Variants in COL24A1 observed in about 807,000 individuals in gnomAD.
COL24A1 encodes the protein collagen type XXIV alpha 1 chain.
COL24A1 carries 224 observed loss-of-function variants against 253.9 expected under a neutral mutation model. The observed-to-expected ratio is 0.88, with a 90% CI of 0.79 to 0.99. COL24A1 has a LOEUF of 0.99. COL24A1 is among the 50% of genes least tolerant of loss of function. The pLI is 0.00. For missense variants in COL24A1, 2,131 were observed against 2,068.5 expected (o/e 1.03, Z -0.59); for synonymous variants, 685 against 673.7 (o/e 1.02, Z -0.26).
chr1:86,117,049 C>T (rs985042615), intron 3 of COL24A1, among the ~76,000 whole-genome samples: 1 of 151,998 alleles, frequency 6.6e-6, no homozygotes, highest in South Asian at 2.1e-4. Context: ...AAAATAAGAG[C>T]CAGTAGGAGA....
intron 6 of COL24A1, among the ~76,000 whole-genome samples, chr1:86,091,166 T>C (rs1482233988): frequency 6.6e-6 from 1 of 152,084 alleles, no homozygotes; most frequent in Non-Finnish European, 1.5e-5. Flanking sequence ...TTCCAAGTTA[T>C]TTAGACTCAG....
chr1:86,063,978 C>A (rs1320860494), intron 7 of COL24A1, among the ~76,000 whole-genome samples: 2 of 151,492 alleles, frequency 1.3e-5, no homozygotes, highest in Admixed American at 1.3e-4. Context: ...ATAATTTAAT[C>A]TTGCATGTTA....
At chr1:86,076,909 A>G (rs1167822891) in intron 7 of COL24A1, among the ~76,000 whole-genome samples, 1 of 152,218 alleles carries the variant, frequency 6.6e-6, no homozygotes, top group African/African-American at 2.4e-5. Flanking sequence ...AGCCTAGGCA[A>G]TACCATTCTG....
At chr1:85,747,796 T>A (rs1410149207) in intron 55 of COL24A1, among the ~76,000 whole-genome samples, 1 of 152,214 alleles carries the variant, frequency 6.6e-6, no homozygotes, top group Non-Finnish European at 1.5e-5. Flanking sequence ...GGTAGTTTCT[T>A]AAAGGTTAGT....
chr1:86,021,584 TG>T (rs1697544144), intron 18 of COL24A1, among the ~76,000 whole-genome samples: 2 of 152,164 alleles, frequency 1.3e-5, no homozygotes, highest in Admixed American at 1.3e-4. Flanking sequence ...TTAATTTAGA[TG>T]TATAGTCCTT....
At chr1:85,796,855 G>A (rs1033170481) in intron 47 of COL24A1, among the ~76,000 whole-genome samples, 6 of 151,780 alleles carry the variant, frequency 4.0e-5, no homozygotes, top group South Asian at 2.1e-4. Flanking sequence ...AATACCTATC[G>A]CATCTAGATT....
chr1:85,767,504 TA>T (rs1363722485), intron 53 of COL24A1, among the ~76,000 whole-genome samples: 1 of 152,156 alleles, frequency 6.6e-6, no homozygotes, highest in Non-Finnish European at 1.5e-5. Context: ...CTCCAGGAAT[TA>T]AAAGATTAAC....
Position 86,059,001 on chromosome 1 carries a change from C to A in COL24A1, c.1806+120G>T, listed in dbSNP as rs914671511. 27 of 597,048 alleles carry A rather than the reference C, an allele frequency of 4.5e-5. No individual in the cohort carries two copies. The African/African-American group carries it at 4.8e-4, about 11-fold the overall frequency. 37.0% of individuals were successfully genotyped at this position (597,048 alleles called of 1,614,324 possible). ...TACAACTTTGATTTTGAAATTATTT[C>A]TCTATGAGTTATTCATTATTTAATA... On this transcript the variant is annotated intron_variant, in intron 9 of 59. Coordinates refer to ENST00000370571, the MANE Select transcript of COL24A1 (RefSeq NM_152890.7).
At chr1:86,032,570 AT>A (rs1559069480) in intron 13 of COL24A1, among the ~76,000 whole-genome samples, 2 of 152,110 alleles carry the variant, frequency 1.3e-5, no homozygotes, top group Admixed American at 1.3e-4. Context: ...ATTACACTTT[AT>A]AGTCTTTAAG....
At chr1:85,872,388 A>G (rs1274705653) in intron 35 of COL24A1, among the ~76,000 whole-genome samples, 1 of 152,160 alleles carries the variant, frequency 6.6e-6, no homozygotes, top group Non-Finnish European at 1.5e-5. Context: ...CATTACCAAG[A>G]CAATCCTAAG....
intron 31 of COL24A1, among the ~76,000 whole-genome samples, chr1:85,891,056 CT>C (rs1052392254): frequency 0.013 from 1,828 of 144,700 alleles, 25 homozygotes; most frequent in African/African-American, 0.04. Flanking sequence ...ATCTTTTTTT[CT>C]TTTTTTTTTT....
chr1:85,958,602 C>A (rs1690716076), intron 24 of COL24A1, among the ~76,000 whole-genome samples: 1 of 152,104 alleles, frequency 6.6e-6, no homozygotes, highest in Non-Finnish European at 1.5e-5. Context: ...GTTAGAAATT[C>A]TATTAAAATA....
At position 85,771,262 on chromosome 1, in the gene COL24A1, C is replaced by A. The variant is rs537732851; in HGVS notation, c.4374+4412G>T. 3.3e-5 allele frequency among the ~76,000 whole-genome samples: 5 copies of A among 152,086 alleles called. No individual in the cohort carries two copies. The East Asian group carries it at 5.8e-4, about 18-fold the overall frequency. Reference sequence around the variant, plus strand: ...TGTTATCCCTCACCTAGCCTCCGACCCCCGACAGGCCCCGGTGTGTGATGT... The same window carrying A: ...TGTTATCCCTCACCTAGCCTCCGACACCCGACAGGCCCCGGTGTGTGATGT... On this transcript the variant is annotated intron_variant, in intron 53 of 59. Coordinates refer to ENST00000370571, the MANE Select transcript of COL24A1 (RefSeq NM_152890.7).
rs141375517 is a variant in COL24A1 at position 85,789,335 on chromosome 1, T to C, written c.3952-2874A>G. The stretch of plus-strand genomic sequence containing the variant: ...TCTTTGTAGCAATTGTGAATGGGAG[T>C]TCACTCATGATTTGGTTCTCTGCTT... On this transcript the variant is annotated intron_variant, in intron 47 of 59. Coordinates refer to ENST00000370571, the MANE Select transcript of COL24A1 (RefSeq NM_152890.7). Among the ~76,000 whole-genome samples, 1,203 of 152,236 alleles carry C rather than the reference T, an allele frequency of 7.9e-3. 6 individuals are homozygous for C. Among genetic ancestry groups the C allele is most frequent in the Non-Finnish European group, 0.014 (951 of 68,016 alleles).
intron 10 of COL24A1, among the ~76,000 whole-genome samples, chr1:86,052,396 CA>C (rs1280529529): frequency 6.6e-6 from 1 of 152,018 alleles, no homozygotes; most frequent in Non-Finnish European, 1.5e-5. Context: ...GAATATTATT[CA>C]GCCTTAAAAA....
chr1:86,008,570 T>C (rs1400457485), intron 19 of COL24A1, among the ~76,000 whole-genome samples: 1 of 152,204 alleles, frequency 6.6e-6, no homozygotes, highest in African/African-American at 2.4e-5. Flanking sequence ...ATCACTATAA[T>C]GTTTCCACTA....
chr1:85,905,668 T>A (rs1684749657), intron 28 of COL24A1, among the ~76,000 whole-genome samples: 2 of 152,164 alleles, frequency 1.3e-5, no homozygotes, highest in Middle Eastern at 3.4e-3. Context: ...GGAAAATAGA[T>A]CCTTGGGGAG....
At chr1:86,134,222 T>C (rs1649824895) in intron 2 of COL24A1, among the ~76,000 whole-genome samples, 1 of 149,632 alleles carries the variant, frequency 6.7e-6, no homozygotes, top group Admixed American at 6.7e-5. Flanking sequence ...TTATTGCGTC[T>C]ATTTGATTCT....
At position 86,002,177 on chromosome 1, in the gene COL24A1, C is replaced by A. The variant is rs149420463; in HGVS notation, c.2311-14523G>T. 6.6e-5 allele frequency among the ~76,000 whole-genome samples: 10 copies of A among 152,368 alleles called. No homozygotes were observed. In the East Asian group the frequency reaches 1.9e-3, roughly 29 times the overall value. ...GTTCTGATGATCAGCCAATCACTTA[C>A]ATCTCTATGACTGTCAGTCACATTG... is the stretch of plus-strand genomic sequence containing the variant. On this transcript the variant is annotated intron_variant, in intron 19 of 59. Coordinates refer to ENST00000370571, the MANE Select transcript of COL24A1 (RefSeq NM_152890.7).
Sources: gnomAD v4.1 joint callset for allele counts (sites outside exome capture counted in the v4.1 genomes callset) on GRCh38, gnomAD v4.1.1 for gene constraint, MANE v1.5 for transcripts, NCBI Gene and HGNC (gene_info 2026-07-23, HGNC 2026-07-21) for gene names.